The following IGF2BP1 variants were observed in gnomAD, a reference collection of about 807,000 sequenced individuals.
IGF2BP1 encodes the protein insulin like growth factor 2 mRNA binding protein 1.
A neutral mutation model predicts 74.9 loss-of-function variants in IGF2BP1; 11 were observed. The observed-to-expected ratio is 0.15, with a 90% CI of 0.09 to 0.24. The LOEUF (loss-of-function observed/expected upper bound fraction) is 0.24, where lower values mean the gene tolerates loss of function less well. IGF2BP1 is among the 10% of genes least tolerant of loss of function. The probability of loss-of-function intolerance (pLI) is 1.00; values close to 1 mark genes in which losing one functional copy is unlikely to be tolerated. For missense variants in IGF2BP1, 440 were observed against 757.4 expected (o/e 0.58, Z 4.92); for synonymous variants, 287 against 281.8 (o/e 1.02, Z -0.18).
intron 2 of IGF2BP1, among the ~76,000 whole-genome samples, chr17:49,005,817 T>G (rs2041545538): frequency 6.6e-6 from 1 of 152,128 alleles, no homozygotes; most frequent in African/African-American, 2.4e-5. Flanking sequence ...ATCCTAGCAC[T>G]TCTGGAGGCC....
At position 49,054,244 on chromosome 17, in the gene IGF2BP1, G is replaced by T. The variant is rs1225200536; in HGVS notation, c.*4800G>T. 1 of 152,500 alleles carries T rather than the reference G, an allele frequency of 6.6e-6. No individual in the cohort carries two copies. The highest frequency in any genetic ancestry group is 2.4e-5 in the African/African-American group (1 of 41,456). The allele number at this position is 152,500 out of a possible 1,614,324, so 9.4% of individuals were successfully genotyped here. A position where few individuals can be genotyped will look rare whatever the true frequency, so the allele number is the denominator to read the frequency against. ...GCGCCTTTGCTGGCGCCTTAGTATG[G>T]TTGACTCCGGATGGACAAAAGAAAA... On this transcript the variant is annotated 3_prime_UTR_variant, in exon 15 of 15. Coordinates refer to ENST00000290341, the MANE Select transcript of IGF2BP1 (RefSeq NM_006546.4).
chr17:49,038,472 TG>T, intron 6 of IGF2BP1, 23 bp downstream of exon 6: 2 of 1,456,314 alleles, frequency 1.4e-6, no homozygotes, highest in South Asian at 2.9e-5. Flanking sequence ...TCTTGGGGAA[TG>T]GAGGTTGGGT....
chr17:49,010,558 T>C (rs184587257), intron 2 of IGF2BP1, among the ~76,000 whole-genome samples: 1 of 152,206 alleles, frequency 6.6e-6, no homozygotes. Context: ...CCTCGTGATC[T>C]GCCCGCCTTG....
intron 5 of IGF2BP1, among the ~76,000 whole-genome samples, chr17:49,033,634 C>T (rs1217970909): frequency 6.6e-6 from 1 of 151,918 alleles, no homozygotes; most frequent in Non-Finnish European, 1.5e-5. Flanking sequence ...TGAGCCACCG[C>T]ACCCGGCTGC....
At chr17:49,026,937 T>C (rs979263982) in intron 4 of IGF2BP1, among the ~76,000 whole-genome samples, 3 of 152,188 alleles carry the variant, frequency 2.0e-5, no homozygotes, top group Admixed American at 6.5e-5. Context: ...AGAGACGCGT[T>C]TCACCACGTT....
In IGF2BP1 at chr17:49,055,807, G is replaced by A. The variant is rs2042222969; in HGVS notation, c.*6363G>A. 6.7e-6 allele frequency among the ~76,000 whole-genome samples: 1 copy of A among 149,714 alleles called. No individual in the cohort carries two copies. The highest frequency in any genetic ancestry group is 2.5e-5 in the African/African-American group (1 of 40,382). On this transcript the variant is annotated 3_prime_UTR_variant, in exon 15 of 15. Coordinates refer to ENST00000290341, the MANE Select transcript of IGF2BP1 (RefSeq NM_006546.4). ...ATGTATTTTGATGAGTGCAAATTGG[G>A]AAGAGCTGGAGGCCTACTGCTTGGG...
intron 2 of IGF2BP1, among the ~76,000 whole-genome samples, chr17:49,011,304 G>A (rs1008168298): frequency 2.7e-4 from 41 of 152,074 alleles, no homozygotes; most frequent in African/African-American, 9.7e-4. Flanking sequence ...AGCCACTCCT[G>A]TTTATTTCTC....
At chr17:49,036,942 AAAAAC>A (rs71369254) in intron 5 of IGF2BP1, 31,591 of 178,166 alleles carry the variant, frequency 0.18, 3,074 homozygotes, top group African/African-American at 0.25. Flanking sequence ...GTCTCAAGAA[AAAAAC>A]AAAACAAAAC....
chr17:49,042,452 T>G, intron 9 of IGF2BP1, 75 bp downstream of exon 9: 1 of 1,539,020 alleles, frequency 6.5e-7, no homozygotes, highest in South Asian at 1.1e-5. Flanking sequence ...TGCAGGGTGA[T>G]GGACATGTGC....
At position 48,999,583 on chromosome 17, in the gene IGF2BP1, C is replaced by T. The variant is rs532227512; in HGVS notation, c.236+414C>T. ...TTCTGTTTTTCCCACTCTTTCCACACCATAATTCTTAAGTGGATTGCCCTT... is the reference window on the plus strand; with the variant it reads ...TTCTGTTTTTCCCACTCTTTCCACATCATAATTCTTAAGTGGATTGCCCTT... On this transcript the variant is annotated intron_variant, in intron 2 of 14. Transcript: ENST00000290341. Among the ~76,000 whole-genome samples, 6 of 152,198 alleles carry T rather than the reference C, an allele frequency of 3.9e-5. No homozygotes were observed. In the South Asian group the frequency reaches 1.0e-3, roughly 26 times the overall value.
intron 2 of IGF2BP1, among the ~76,000 whole-genome samples, chr17:49,019,124 G>GCAT (rs1220446421): frequency 6.6e-6 from 1 of 152,094 alleles, no homozygotes; most frequent in East Asian, 1.9e-4. Context: ...ATTGAAAATG[G>GCAT]CATCCTCGCT....
chr17:49,041,540 T>G (rs1292578778), intron 8 of IGF2BP1, 40 bp downstream of exon 8: 1 of 1,612,882 alleles, frequency 6.2e-7, no homozygotes, highest in South Asian at 1.1e-5. Context: ...GAGTGGGGGA[T>G]GCATGGGGGC....
chr17:49,010,562 C>T (rs967823478), intron 2 of IGF2BP1, among the ~76,000 whole-genome samples: 6 of 152,048 alleles, frequency 3.9e-5, no homozygotes, highest in Non-Finnish European at 8.8e-5. Context: ...GTGATCTGCC[C>T]GCCTTGGCCT....
rs188731587 is a variant in IGF2BP1 at position 49,045,002 on chromosome 17, C to T, written c.1332C>T (p.Pro444=). 1.7e-5 allele frequency: 28 copies of T among 1,614,028 alleles called. No homozygotes were observed. Among genetic ancestry groups the T allele is most frequent in the East Asian group, 1.6e-4 (7 of 44,882 alleles). The change falls in exon 12 of 15, where the codon CCC becomes CCT. Residue 444 remains proline, a synonymous_variant. Transcript: ENST00000290341. ...FASASIKIAP[P]ETPDSKVRMV... Reference sequence around the variant, plus strand: ...TTTTTGCTTTTTAGATTGCACCACCCGAAACACCTGACTCCAAAGTTCGTA... The same window carrying T: ...TTTTTGCTTTTTAGATTGCACCACCTGAAACACCTGACTCCAAAGTTCGTA...
chr17:49,025,341 T>TGC, intron 2 of IGF2BP1, among the ~76,000 whole-genome samples: 1 of 151,242 alleles, frequency 6.6e-6, no homozygotes, highest in African/African-American at 2.4e-5. Flanking sequence ...TGTGTGTGTG[T>TGC]GTGTGTGTGT....
At chr17:49,019,934 A>ATATG (rs2041762769) in intron 2 of IGF2BP1, among the ~76,000 whole-genome samples, 1 of 61,788 alleles carries the variant, frequency 1.6e-5, no homozygotes, top group African/African-American at 8.7e-5. Context: ...ATATATATAT[A>ATATG]TATATATATA....
intron 2 of IGF2BP1, among the ~76,000 whole-genome samples, chr17:49,003,530 TTG>T (rs2041509510): frequency 6.6e-6 from 1 of 152,060 alleles, no homozygotes; most frequent in Admixed American, 6.6e-5. Flanking sequence ...GGTGATGGGG[TTG>T]TTAGAATAAG....
At chr17:49,023,680 A>T (rs2041818287) in intron 2 of IGF2BP1, among the ~76,000 whole-genome samples, 1 of 152,202 alleles carries the variant, frequency 6.6e-6, no homozygotes, top group Non-Finnish European at 1.5e-5. Flanking sequence ...GGGGCAGGTT[A>T]AGGGCTAGAC....
chr17:49,013,068 G>C (rs2041641147), intron 2 of IGF2BP1: 1 of 152,194 alleles, frequency 6.6e-6, no homozygotes, highest in Admixed American at 6.6e-5. Flanking sequence ...TCCCCTGGTT[G>C]TTGAGAGGCT....
Sources: gnomAD v4.1 joint callset for allele counts (sites outside exome capture counted in the v4.1 genomes callset) on GRCh38, gnomAD v4.1.1 for gene constraint, MANE v1.5 for transcripts, NCBI Gene and HGNC (gene_info 2026-07-23, HGNC 2026-07-21) for gene names.